Variants in CFI observed in about 807,000 individuals in gnomAD.
CFI encodes C3B/C4B inactivator.
CFI carries 66 observed loss-of-function variants against 78.8 expected under a neutral mutation model. The observed-to-expected ratio is 0.84, with a 90% CI of 0.69 to 1.03. CFI has a LOEUF of 1.03. CFI is among the 50% of genes least tolerant of loss of function. CFI has a pLI of 0.00. For synonymous variants in CFI, 250 were observed against 232.6 expected (o/e 1.07, Z -0.68); for missense variants, 706 against 704.5 (o/e 1.00, Z -0.02).
chr4:109,760,373 T>C lies in CFI; in HGVS notation c.780A>G (p.Gln260=). 6.2e-7 allele frequency: 1 copy of C among 1,612,558 alleles called. No individual in the cohort carries two copies. The highest frequency in any genetic ancestry group is 8.5e-7 in the Non-Finnish European group (1 of 1,178,538). ...QSDELCCKAC[Q]GKGFHCKSGV... is the part of the protein sequence containing the mutation. ...CCGATTTGCAATGGAAGCCTTTGCC[T>C]TGGCATGCTGTGCAAACATAAGCAG... The change falls in exon 6 of 13, where the codon CAA becomes CAG. Residue 260 remains glutamine (Q), a synonymous_variant. Transcript: ENST00000394634.
chr4:109,764,797 A>G, intron 2 of CFI, 107 bp from the exon 3 acceptor site: 1 of 1,025,356 alleles, frequency 9.8e-7, no homozygotes, highest in Non-Finnish European at 1.4e-6. Context: ...TGAGCTTTGA[A>G]CATCATGACG....
chr4:109,751,438 C>CTTTTTTTT (rs66497003), intron 8 of CFI, among the ~76,000 whole-genome samples: 5 of 100,350 alleles, frequency 5.0e-5, no homozygotes, highest in East Asian at 3.4e-4. Flanking sequence ...AGAGCTAAAT[C>CTTTTTTTT]TTTTTTTTTT....
In CFI at chr4:109,746,353, A is replaced by G. The variant is rs1248287792; in HGVS notation, c.1298T>C (p.Ile433Thr). 9 of 1,614,036 alleles carry G rather than the reference A, an allele frequency of 5.6e-6. No individual in the cohort carries two copies. The highest frequency in any genetic ancestry group is 5.9e-6 in the Non-Finnish European group (7 of 1,180,034). The change falls in exon 11 of 13, where the codon ATT becomes ACT. Residue 433 changes from isoleucine (I) to threonine (T), a missense_variant. Coordinates refer to ENST00000394634, the MANE Select transcript of CFI (RefSeq NM_000204.5). ...AGTYQNDIAL[I>T]EMKKDGNKKD... ...TTTGTTTCCGTCTTTTTTCATTTCA[A>G]TCAAAGCGATGTCATTTTGGTAAGT...
chr4:109,742,172 T>C (rs1189088094), intron 12 of CFI: 4 of 296,260 alleles, frequency 1.4e-5, no homozygotes, highest in Non-Finnish European at 2.6e-5. Context: ...ATTTTACAAA[T>C]GAAGAAACCT....
intron 7 of CFI, among the ~76,000 whole-genome samples, chr4:109,753,522 A>T (rs1314696030): frequency 3.3e-5 from 1 of 30,596 alleles, no homozygotes; most frequent in African/African-American, 1.0e-4. Flanking sequence ...ATAAATAAAT[A>T]TTTATAATAA....
rs1467407626 is a variant in CFI, at chr4:109,752,500, T to C, written c.908A>G (p.Glu303Gly). 4.3e-6 allele frequency: 7 copies of C among 1,612,674 alleles called. No individual in the cohort carries two copies. The South Asian group carries it at 7.7e-5, about 18-fold the overall frequency. ...CATGTCAGCAGTCAAAATTTCTGTTTCTTCTATGATAAAACAAAAGATTCC... is the reference window on the plus strand; with the variant it reads ...CATGTCAGCAGTCAAAATTTCTGTTCCTTCTATGATAAAACAAAAGATTCC... ...CAGFASVTQE[E>G]TEILTADMDA... Residue 303 changes from glutamate (E) to glycine (G), a missense_variant, in exon 8 of 13, where the codon GAA becomes GGA. Physicochemically the swap from Glu to Gly is moderately conservative, Grantham distance 98 (BLOSUM62 -2). Coordinates refer to ENST00000394634, the MANE Select transcript of CFI (RefSeq NM_000204.5).
chr4:109,779,218 G>T (rs193158598), intron 1 of CFI, among the ~76,000 whole-genome samples: 312 of 152,250 alleles, frequency 2.0e-3, no homozygotes, highest in African/African-American at 7.2e-3. Context: ...TGACATGATT[G>T]TATATTTAGA....
chr4:109,758,917 ACT>A (rs1726663955), intron 6 of CFI, among the ~76,000 whole-genome samples: 1 of 152,172 alleles, frequency 6.6e-6, no homozygotes, highest in African/African-American at 2.4e-5. Context: ...ATGTGGCGAA[ACT>A]CTGTCTCTTC....
chr4:109,747,446 C>T (rs1359573807), intron 10 of CFI, among the ~76,000 whole-genome samples: 2 of 152,108 alleles, frequency 1.3e-5, no homozygotes, highest in African/African-American at 2.4e-5. Flanking sequence ...CGTGAGCCAC[C>T]GCACCTGGCC....
intron 3 of CFI, chr4:109,764,280 T>C (rs1727451011): frequency 3.8e-6 from 2 of 528,638 alleles, no homozygotes; most frequent in East Asian, 3.4e-5. Context: ...AATGAATGTG[T>C]TTGTGACTCT....
At chr4:109,750,525 A>G (rs1725016812) in intron 8 of CFI, among the ~76,000 whole-genome samples, 1 of 152,114 alleles carries the variant, frequency 6.6e-6, no homozygotes, top group Non-Finnish European at 1.5e-5. Flanking sequence ...TTGACATGTG[A>G]CAATGTTTCC....
At chr4:109,753,746 C>A (rs191061602) in intron 7 of CFI, among the ~76,000 whole-genome samples, 10 of 116,146 alleles carry the variant, frequency 8.6e-5, no homozygotes, top group African/African-American at 3.5e-4. Context: ...TATATATTAT[C>A]TAATGTATAA....
chr4:109,789,073 C>T (rs910297800), intron 1 of CFI, among the ~76,000 whole-genome samples: 10 of 151,876 alleles, frequency 6.6e-5, no homozygotes, highest in African/African-American at 2.4e-4. Context: ...CTACAATACA[C>T]TTGATGGAAC....
rs552470565 is a variant in CFI at position 109,758,084 on chromosome 4, G to A, written c.884-301C>T. ...GTTAGAAGCATTACTAAAATGCAAA[G>A]GCAGAGCTCATCCCTAAATAAGAGT... On this transcript the variant is annotated intron_variant, in intron 6 of 12. Coordinates refer to ENST00000394634, the MANE Select transcript of CFI (RefSeq NM_000204.5). 35 of 625,028 alleles carry A rather than the reference G, an allele frequency of 5.6e-5. No homozygotes were observed. The South Asian group carries it at 1.1e-3, about 20-fold the overall frequency. 38.7% of individuals were successfully genotyped at this position (625,028 alleles called of 1,614,324 possible).
chr4:109,735,003 T>G, the CFI span, among the ~76,000 whole-genome samples: 1 of 152,124 alleles, frequency 6.6e-6, no homozygotes, highest in African/African-American at 2.4e-5. Context: ...GTCACCCAGG[T>G]GGGGGTAGCA....
At chr4:109,766,524 A>C (rs1231710049) in intron 2 of CFI, 30 bp downstream of exon 2, 2 of 1,611,874 alleles carry the variant, frequency 1.2e-6, no homozygotes, top group Non-Finnish European at 1.7e-6. Flanking sequence ...TTTATATCAT[A>C]GAATGACTTG....
intron 10 of CFI, among the ~76,000 whole-genome samples, chr4:109,748,935 C>T (rs1414055702): frequency 1.3e-5 from 2 of 152,122 alleles, no homozygotes; most frequent in African/African-American, 2.4e-5. Flanking sequence ...GTAGTACCTA[C>T]CCACTCTCCC....
the CFI span, among the ~76,000 whole-genome samples, chr4:109,734,005 AT>A: frequency 6.6e-6 from 1 of 152,048 alleles, no homozygotes; most frequent in Non-Finnish European, 1.5e-5. Context: ...CCTTATCTCT[AT>A]AAAAAAAATA....
rs945817778 is a variant in CFI at position 109,795,522 on chromosome 4, A to G, written c.57+6393T>C. Reference sequence around the variant, plus strand: ...CCAATAAGTGACTCTAAAGAATTGGAGACCTACAAATTGCTTGACAAAGAA... The same window carrying G: ...CCAATAAGTGACTCTAAAGAATTGGGGACCTACAAATTGCTTGACAAAGAA... On this transcript the variant is annotated intron_variant, in intron 1 of 12. Coordinates refer to ENST00000394634, the MANE Select transcript of CFI (RefSeq NM_000204.5). Among the ~76,000 whole-genome samples the G allele has an allele frequency of 2.6e-5, 4 of 152,252 alleles. No homozygotes were observed. In the East Asian group the frequency reaches 7.7e-4, roughly 29 times the overall value.
Sources: gnomAD v4.1 joint callset for allele counts (sites outside exome capture counted in the v4.1 genomes callset) on GRCh38, gnomAD v4.1.1 for gene constraint, MANE v1.5 for transcripts, NCBI Gene and HGNC (gene_info 2026-07-23, HGNC 2026-07-21) for gene names.